FHIT: variants seen among roughly 807,000 people sequenced by gnomAD.
FHIT encodes the protein fragile histidine triad diadenosine triphosphatase.
In FHIT, 19 loss-of-function variants were observed where a neutral mutation model predicts 17.9. The observed-to-expected ratio is 1.06, with a 90% CI of 0.74 to 1.56. The LOEUF (loss-of-function observed/expected upper bound fraction) is 1.56, where lower values mean the gene tolerates loss of function less well. Ranked by LOEUF, FHIT falls within the 40% of genes most tolerant of loss-of-function variation. The probability of loss-of-function intolerance (pLI) is 0.00; values close to 1 mark genes in which losing one functional copy is unlikely to be tolerated. For synonymous variants in FHIT, 81 were observed against 69.7 expected, an observed-to-expected ratio of 1.16 and a Z score of -0.81; for missense variants, 248 against 189.2, an observed-to-expected ratio of 1.31 and a Z score of -1.82.
chr3:60,975,394 T>G (rs1019864601), intron 3 of FHIT, among the ~76,000 whole-genome samples: 3 of 152,194 alleles, frequency 2.0e-5, no homozygotes, highest in Non-Finnish European at 2.9e-5. Flanking sequence ...TATTTTCTCC[T>G]CTGAAAATAT....
intron 4 of FHIT, among the ~76,000 whole-genome samples, chr3:60,818,073 T>G (rs1181405420): frequency 1.3e-5 from 2 of 152,166 alleles, no homozygotes; most frequent in African/African-American, 4.8e-5. Context: ...TTTCAAATAC[T>G]GTATTTTTCA....
intron 4 of FHIT, among the ~76,000 whole-genome samples, chr3:60,771,211 A>G (rs1472365036): frequency 6.6e-6 from 1 of 152,226 alleles, no homozygotes; most frequent in Non-Finnish European, 1.5e-5. Context: ...GCTAAGTCAA[A>G]AGCCTAACTC....
intron 5 of FHIT, among the ~76,000 whole-genome samples, chr3:60,295,358 T>G (rs552246889): frequency 6.6e-6 from 1 of 152,112 alleles, no homozygotes; most frequent in Non-Finnish European, 1.5e-5. Flanking sequence ...AGCAGCATGA[T>G]GCTAACATCT....
chr3:60,358,105 A>C (rs1699751728), intron 5 of FHIT, among the ~76,000 whole-genome samples: 1 of 152,246 alleles, frequency 6.6e-6, no homozygotes, highest in Admixed American at 6.5e-5. Context: ...AGTTTTGAGA[A>C]AGAAGGCAAT....
At chr3:60,732,684 CTTTTTTTTTTTT>C (rs3038041) in intron 4 of FHIT, 2 of 177,146 alleles carry the variant, frequency 1.1e-5, no homozygotes, top group Non-Finnish European at 2.0e-5. Flanking sequence ...GCAAAGACTG[CTTTTTTTTTTTT>C]TTTTTTTTTT....
intron 3 of FHIT, among the ~76,000 whole-genome samples, chr3:60,882,124 T>C (rs573407468): frequency 2.0e-4 from 30 of 151,928 alleles, no homozygotes; most frequent in South Asian, 4.1e-4. Context: ...CACCCACAAA[T>C]TGGAAAACCA....
intron 2 of FHIT, among the ~76,000 whole-genome samples, chr3:61,158,307 C>T (rs1193643012): frequency 3.3e-5 from 5 of 152,186 alleles, no homozygotes; most frequent in Admixed American, 2.6e-4. Flanking sequence ...ACCATCAATA[C>T]GTCTAGCAAG....
chr3:59,801,178 C>T (rs1699979458), intron 8 of FHIT, among the ~76,000 whole-genome samples: 1 of 152,160 alleles, frequency 6.6e-6, no homozygotes, highest in African/African-American at 2.4e-5. Flanking sequence ...CAATGCTTCA[C>T]CTGGAGTACC....
At chr3:60,816,272 C>A (rs1195294125) in intron 4 of FHIT, among the ~76,000 whole-genome samples, 5 of 152,020 alleles carry the variant, frequency 3.3e-5, no homozygotes, top group African/African-American at 4.8e-5. Flanking sequence ...ACTTCCAGTA[C>A]TATGTTGAAT....
At chr3:60,251,532 T>G (rs1705711043) in intron 5 of FHIT, among the ~76,000 whole-genome samples, 1 of 152,238 alleles carries the variant, frequency 6.6e-6, no homozygotes, top group African/African-American at 2.4e-5. Context: ...ATCTTTCCAA[T>G]TCCAAAGTTT....
intron 3 of FHIT, among the ~76,000 whole-genome samples, chr3:61,004,977 C>T (rs2031344529): frequency 6.6e-6 from 1 of 152,120 alleles, no homozygotes; most frequent in African/African-American, 2.4e-5. Flanking sequence ...ATCTATGCCT[C>T]CCACCATTTT....
intron 5 of FHIT, among the ~76,000 whole-genome samples, chr3:60,530,061 GT>G (rs1426230816): frequency 6.6e-6 from 1 of 152,090 alleles, no homozygotes; most frequent in Non-Finnish European, 1.5e-5. Context: ...GCATAATCAG[GT>G]CAGGCCAGCC....
At chr3:60,669,339 T>C (rs568741488) in intron 4 of FHIT, among the ~76,000 whole-genome samples, 1 of 152,206 alleles carries the variant, frequency 6.6e-6, no homozygotes, top group Non-Finnish European at 1.5e-5. Flanking sequence ...GTTCAGAACA[T>C]AGGCTCACTT....
At chr3:60,625,948 C>A (rs994687666) in intron 4 of FHIT, among the ~76,000 whole-genome samples, 3 of 152,172 alleles carry the variant, frequency 2.0e-5, no homozygotes, top group African/African-American at 4.8e-5. Flanking sequence ...CAAATTCATT[C>A]TTTTGCATGT....
At chr3:60,036,376 C>G (rs76576808) in intron 5 of FHIT, among the ~76,000 whole-genome samples, 7,729 of 152,168 alleles carry the variant, frequency 0.051, 331 homozygotes, top group African/African-American at 0.12. Flanking sequence ...TCATGACTCT[C>G]TGAGAACCGT....
At chr3:60,648,072 TAGGAAAAAA>T (rs2107802074) in intron 4 of FHIT, among the ~76,000 whole-genome samples, 1 of 151,978 alleles carries the variant, frequency 6.6e-6, no homozygotes, top group Non-Finnish European at 1.5e-5. Context: ...CCTTCAAGCT[TAGGAAAAAA>T]GGGAAAAATG....
At chr3:61,129,383 G>C (rs572422973) in intron 2 of FHIT, among the ~76,000 whole-genome samples, 1 of 152,194 alleles carries the variant, frequency 6.6e-6, no homozygotes, top group East Asian at 1.9e-4. Flanking sequence ...CTGAAATAAG[G>C]AGAGTGTGCA....
At chr3:59,780,070 T>C (rs1247083348) in intron 8 of FHIT, among the ~76,000 whole-genome samples, 1 of 152,230 alleles carries the variant, frequency 6.6e-6, no homozygotes, top group Non-Finnish European at 1.5e-5. Flanking sequence ...AAATGGACAC[T>C]ATCTATGGGT....
At chr3:60,183,451 G>A (rs1310064966) in intron 5 of FHIT, among the ~76,000 whole-genome samples, 2 of 152,010 alleles carry the variant, frequency 1.3e-5, no homozygotes, top group African/African-American at 4.8e-5. Flanking sequence ...GTATGATGGA[G>A]GATTGTTTTG....
Sources: gnomAD v4.1 joint callset for allele counts (sites outside exome capture counted in the v4.1 genomes callset) on GRCh38, gnomAD v4.1.1 for gene constraint, MANE v1.5 for transcripts, NCBI Gene and HGNC (gene_info 2026-07-23, HGNC 2026-07-21) for gene names.